HNF4G: variants seen among roughly 807,000 people sequenced by gnomAD.
The protein encoded by HNF4G is hepatocyte nuclear factor 4 gamma, also known as hepatocyte nuclear factor 4-gamma.
A neutral mutation model predicts 50.9 loss-of-function variants in HNF4G; 21 were observed. That is an observed-to-expected ratio of 0.41 (90% confidence interval 0.29 to 0.59). The LOEUF is 0.59. Among genes scored for constraint, HNF4G ranks in the 20% least tolerant of loss-of-function variants. The probability of loss-of-function intolerance (pLI) is 0.26; values close to 1 mark genes in which losing one functional copy is unlikely to be tolerated. For missense variants in HNF4G, 527 were observed against 559.4 expected (o/e 0.94, Z 0.58); for synonymous variants, 198 against 185.6 (o/e 1.07, Z -0.54).
chr8:75,534,563 A>G (rs1447295233), intron 2 of HNF4G, among the ~76,000 whole-genome samples: 1 of 151,876 alleles, frequency 6.6e-6, no homozygotes, highest in East Asian at 1.9e-4. Flanking sequence ...TTGTATAACT[A>G]GTTTTAAATA....
chr8:75,452,047 T>C (rs1811598618), intron 1 of HNF4G, among the ~76,000 whole-genome samples: 1 of 152,174 alleles, frequency 6.6e-6, no homozygotes, highest in African/African-American at 2.4e-5. Context: ...GCTGCAAGCA[T>C]GGCTGGGAAT....
At chr8:75,468,810 G>GTTA (rs1812050342) in intron 1 of HNF4G, among the ~76,000 whole-genome samples, 1 of 151,598 alleles carries the variant, frequency 6.6e-6, no homozygotes, top group African/African-American at 2.4e-5. Context: ...TGGTAGCCTT[G>GTTA]TTATTGCCTC....
intron 1 of HNF4G, among the ~76,000 whole-genome samples, chr8:75,452,568 A>C (rs188983475): frequency 6.6e-6 from 1 of 152,124 alleles, no homozygotes; most frequent in Admixed American, 6.5e-5. Flanking sequence ...AAATACAAAA[A>C]ATTAGCCGGG....
At chr8:75,559,156 A>G in intron 8 of HNF4G, 119 bp downstream of exon 8, 1 of 732,950 alleles carries the variant, frequency 1.4e-6, no homozygotes. Flanking sequence ...ATGCTCCTGA[A>G]TTTTTTTCCT....
chr8:75,512,560 G>T (rs749660424), intron 2 of HNF4G, among the ~76,000 whole-genome samples: 37 of 151,966 alleles, frequency 2.4e-4, no homozygotes, highest in Middle Eastern at 3.4e-3. Flanking sequence ...CGCCTCCCGG[G>T]TTCATGCCAT....
chr8:75,477,112 AG>A (rs1346086774), intron 1 of HNF4G, among the ~76,000 whole-genome samples: 2 of 152,352 alleles, frequency 1.3e-5, no homozygotes, highest in African/African-American at 2.4e-5. Context: ...TAACACCTTC[AG>A]CAGAGTTTGT....
intron 2 of HNF4G, among the ~76,000 whole-genome samples, chr8:75,497,435 C>T (rs1016780974): frequency 1.3e-5 from 2 of 152,020 alleles, no homozygotes; most frequent in African/African-American, 4.8e-5. Flanking sequence ...CCTGTAATCC[C>T]AACACTTTGG....
intron 1 of HNF4G, among the ~76,000 whole-genome samples, chr8:75,462,672 A>C (rs1309165561): frequency 6.6e-6 from 1 of 152,234 alleles, no homozygotes; most frequent in African/African-American, 2.4e-5. Flanking sequence ...ACAATCACAG[A>C]GATTAATGAT....
intron 2 of HNF4G, among the ~76,000 whole-genome samples, chr8:75,526,117 T>TATTTA (rs1554577825): frequency 1.4e-5 from 2 of 139,368 alleles, no homozygotes; most frequent in Non-Finnish European, 3.3e-5. Flanking sequence ...TTTATTTATT[T>TATTTA]ATTTATTTAT....
chr8:75,532,756 A>G (rs535616503), intron 2 of HNF4G, among the ~76,000 whole-genome samples: 5 of 152,184 alleles, frequency 3.3e-5, no homozygotes, highest in Non-Finnish European at 4.4e-5. Context: ...TGAAATACCC[A>G]TGACTAAACT....
intron 1 of HNF4G, among the ~76,000 whole-genome samples, chr8:75,476,353 G>A (rs543107422): frequency 3.1e-4 from 47 of 152,166 alleles, no homozygotes; most frequent in African/African-American, 1.1e-3. Context: ...GAATACTTGG[G>A]TTGATTCCAT....
In HNF4G at chr8:75,417,145, ACG is replaced by A. The variant is rs893056474; in HGVS notation, c.-144+8985_-144+8986del. Among the ~76,000 whole-genome samples, 36 of 144,988 alleles carry A rather than the reference ACG, an allele frequency of 2.5e-4. No homozygotes were observed. The South Asian group carries it at 5.7e-3, about 23-fold the overall frequency. ...CGCACACACACACACACACACACAC[ACG>A]CTGCTGTGACTAGTCAGCATTCTGT... On this transcript the variant is annotated intron_variant, in intron 1 of 10. Transcript: ENST00000354370.
chr8:75,467,781 A>G (rs1386895221), intron 1 of HNF4G, among the ~76,000 whole-genome samples: 3 of 152,028 alleles, frequency 2.0e-5, no homozygotes, highest in Non-Finnish European at 4.4e-5. Context: ...TTTTTTTTTA[A>G]AATGTCATTC....
chr8:75,529,549 G>A (rs1041095774), intron 2 of HNF4G, among the ~76,000 whole-genome samples: 33 of 152,124 alleles, frequency 2.2e-4, no homozygotes, highest in Non-Finnish European at 4.9e-4. Context: ...TGAAGGTAGG[G>A]TACCATTTTC....
At chr8:75,530,476 G>A (rs924104607) in intron 2 of HNF4G, among the ~76,000 whole-genome samples, 1 of 151,650 alleles carries the variant, frequency 6.6e-6, no homozygotes, top group Non-Finnish European at 1.5e-5. Flanking sequence ...CCAGAGAAAG[G>A]AAATATAAGT....
At chr8:75,448,466 G>A (rs1585852548) in intron 1 of HNF4G, among the ~76,000 whole-genome samples, 2 of 79,942 alleles carry the variant, frequency 2.5e-5, no homozygotes, top group Non-Finnish European at 5.1e-5. Context: ...GATACAAGAT[G>A]ATTTAAATAA....
intron 1 of HNF4G, among the ~76,000 whole-genome samples, chr8:75,466,341 CAA>C (rs1171084609): frequency 3.9e-5 from 6 of 151,960 alleles, no homozygotes; most frequent in Non-Finnish European, 5.9e-5. Flanking sequence ...TTTTTACAGT[CAA>C]GTTTATTTTT....
chr8:75,501,389 T>A (rs552489639), intron 2 of HNF4G, among the ~76,000 whole-genome samples: 13 of 152,282 alleles, frequency 8.5e-5, no homozygotes, highest in African/African-American at 2.9e-4. Flanking sequence ...TGCAGTGAGC[T>A]ATGATTATGC....
chr8:75,525,908 A>G (rs958469424), intron 2 of HNF4G, among the ~76,000 whole-genome samples: 4 of 152,232 alleles, frequency 2.6e-5, no homozygotes, highest in Non-Finnish European at 4.4e-5. Context: ...GAGGAAACAA[A>G]CAAACAAAAA....
Sources: gnomAD v4.1 joint callset for allele counts (sites outside exome capture counted in the v4.1 genomes callset) on GRCh38, gnomAD v4.1.1 for gene constraint, MANE v1.5 for transcripts, NCBI Gene and HGNC (gene_info 2026-07-23, HGNC 2026-07-21) for gene names.